Variants in OTUD7A observed in about 807,000 individuals in gnomAD.
OTUD7A encodes OTU domain-containing protein 7A.
OTUD7A carries 12 observed loss-of-function variants against 65.7 expected under a neutral mutation model. That is an observed-to-expected ratio of 0.18 (90% confidence interval 0.12 to 0.30). The LOEUF (loss-of-function observed/expected upper bound fraction) is 0.30. Among genes scored for constraint, OTUD7A ranks in the 10% least tolerant of loss-of-function variants. The probability of loss-of-function intolerance (pLI) is 1.00; values close to 1 mark genes in which losing one functional copy is unlikely to be tolerated. For missense variants in OTUD7A, 1,148 were observed against 1,304.8 expected, an observed-to-expected ratio of 0.88 and a Z score of 1.85; for synonymous variants, 641 against 586.3, an observed-to-expected ratio of 1.09 and a Z score of -1.35.
Position 31,484,337 on chromosome 15 carries a change from T to G in OTUD7A, c.1759A>C (p.Ser587Arg). The G allele has an allele frequency of 1.9e-6, 3 of 1,600,368 alleles. No homozygotes were observed. Among genetic ancestry groups the G allele is most frequent in the Non-Finnish European group, 2.5e-6 (3 of 1,179,224 alleles). The change falls in exon 13 of 13, where the codon AGC (serine) becomes CGC (arginine). Residue 587 changes from serine (S) to arginine (R), a missense_variant. Physicochemically the swap from Ser to Arg is moderately radical, Grantham distance 110 (BLOSUM62 -1). Transcript: ENST00000307050. This position sits in a 1 kb window ranked among gnomAD's most constrained non-coding sequence, Gnocchi z 4.5. The stretch of plus-strand genomic sequence containing the variant: ...GTGGTCTTTTCCGACGGCGACGTGC[T>G]GGCCGACGCACCAGACTCCTCCTTG... ...GSKEESGASA[S>R]TSPSEKTTPS... is the part of the protein sequence containing the mutation.
intron 10 of OTUD7A, among the ~76,000 whole-genome samples, chr15:31,494,703 T>A (rs1161800603): frequency 6.6e-6 from 1 of 152,152 alleles, no homozygotes; most frequent in Non-Finnish European, 1.5e-5. Flanking sequence ...TGTGGGACAA[T>A]GACAACTGGG....
intron 8 of OTUD7A, among the ~76,000 whole-genome samples, chr15:31,507,636 G>C (rs1471518185): frequency 1.3e-5 from 2 of 150,266 alleles, no homozygotes; most frequent in East Asian, 1.9e-4. Flanking sequence ...CTGCTGGCTG[G>C]GGGGCGGGGG....
chr15:31,778,977 T>C (rs1452998264), intron 1 of OTUD7A, among the ~76,000 whole-genome samples: 1 of 152,218 alleles, frequency 6.6e-6, no homozygotes, highest in African/African-American at 2.4e-5. Context: ...AAATGGAAGC[T>C]TGGGGAAACA....
intron 1 of OTUD7A, among the ~76,000 whole-genome samples, chr15:31,779,981 C>A (rs1354279988): frequency 1.3e-5 from 2 of 152,104 alleles, no homozygotes; most frequent in African/African-American, 4.8e-5. Flanking sequence ...CTTCACAACC[C>A]AGTCCAGGAC....
At chr15:31,629,933 G>A (rs1891088563) in intron 3 of OTUD7A, among the ~76,000 whole-genome samples, 2 of 152,098 alleles carry the variant, frequency 1.3e-5, no homozygotes, top group African/African-American at 2.4e-5. Context: ...GGGATCAGTG[G>A]TGATATCCCC....
At position 31,484,777 on chromosome 15, in the gene OTUD7A, G is replaced by A; in HGVS notation, c.1372-53C>T. ...AGGTGGTTAGAGAAGAGCTGTCCACGCGCCAGCGAGGAAGACACACCTTGC... is the reference window on the plus strand; with the variant it reads ...AGGTGGTTAGAGAAGAGCTGTCCACACGCCAGCGAGGAAGACACACCTTGC... On this transcript the variant is annotated intron_variant, in intron 12 of 12. Transcript: ENST00000307050. This position sits in a 1 kb window ranked among gnomAD's most constrained non-coding sequence, Gnocchi z 4.5. 5 of 1,557,882 alleles carry A rather than the reference G, an allele frequency of 3.2e-6. No individual in the cohort carries two copies. Among genetic ancestry groups the A allele is most frequent in the African/African-American group, 1.3e-5 (1 of 74,442 alleles).
At chr15:31,665,906 G>A (rs1321951781) in intron 1 of OTUD7A, among the ~76,000 whole-genome samples, 1 of 152,092 alleles carries the variant, frequency 6.6e-6, no homozygotes, top group Non-Finnish European at 1.5e-5. Flanking sequence ...TGCATCTATC[G>A]AGACGATCAC....
chr15:31,575,881 A>G (rs1889189462), intron 3 of OTUD7A, among the ~76,000 whole-genome samples: 1 of 152,234 alleles, frequency 6.6e-6, no homozygotes, highest in Non-Finnish European at 1.5e-5. Flanking sequence ...GGGATGTGAA[A>G]TGAACACACA....
chr15:31,579,435 C>T (rs1889303552), intron 3 of OTUD7A, among the ~76,000 whole-genome samples: 1 of 152,090 alleles, frequency 6.6e-6, no homozygotes, highest in African/African-American at 2.4e-5. Flanking sequence ...CACTGTGATG[C>T]CAGAATAGCT....
chr15:31,859,489 A>G (rs777186554), intron 1 of OTUD7A, among the ~76,000 whole-genome samples: 15 of 152,234 alleles, frequency 9.9e-5, no homozygotes, highest in Non-Finnish European at 1.8e-4. Context: ...CATTTGATCA[A>G]ATAGTAAAGG....
chr15:31,512,349 A>AC (rs2041768344), intron 8 of OTUD7A, among the ~76,000 whole-genome samples: 1 of 151,872 alleles, frequency 6.6e-6, no homozygotes, highest in Admixed American at 6.6e-5. Context: ...ACTGGAGACC[A>AC]CCCCCGGCAG....
At chr15:31,676,224 T>C (rs1164548740) in intron 1 of OTUD7A, among the ~76,000 whole-genome samples, 1 of 152,186 alleles carries the variant, frequency 6.6e-6, no homozygotes, top group Non-Finnish European at 1.5e-5. Flanking sequence ...ATTTGGTAGA[T>C]GATAATGGCA....
At chr15:31,510,378 C>CA (rs1415827069) in intron 8 of OTUD7A, among the ~76,000 whole-genome samples, 1 of 146,726 alleles carries the variant, frequency 6.8e-6, no homozygotes, top group Non-Finnish European at 1.5e-5. Flanking sequence ...GGTGTTTTTG[C>CA]TTTTTTTTTT....
At chr15:31,710,555 C>A (rs547210322) in intron 1 of OTUD7A, among the ~76,000 whole-genome samples, 78 of 152,036 alleles carry the variant, frequency 5.1e-4, no homozygotes, top group Non-Finnish European at 1.1e-3. Flanking sequence ...GCAGGGGGCA[C>A]CAGAGGGAGA....
chr15:31,553,217 CCT>C (rs1450940389), intron 5 of OTUD7A, among the ~76,000 whole-genome samples: 1 of 152,148 alleles, frequency 6.6e-6, no homozygotes, highest in East Asian at 1.9e-4. Flanking sequence ...GCTGGTTCGC[CCT>C]GATTCCCAGG....
chr15:31,530,175 A>G (rs2042067066), intron 6 of OTUD7A, among the ~76,000 whole-genome samples: 1 of 152,160 alleles, frequency 6.6e-6, no homozygotes, highest in Admixed American at 6.5e-5. Context: ...GTCTGTTTCC[A>G]TTAGTCCATG....
chr15:31,555,423 TA>T (rs1250746959), intron 5 of OTUD7A, among the ~76,000 whole-genome samples: 4 of 152,234 alleles, frequency 2.6e-5, no homozygotes, highest in African/African-American at 7.2e-5. Flanking sequence ...ATAAAGATTC[TA>T]AGCACTAAGC....
At position 31,595,584 on chromosome 15, in the gene OTUD7A, A is replaced by G. The variant is rs541822054; in HGVS notation, c.152-25387T>C. Among the ~76,000 whole-genome samples the G allele has an allele frequency of 9.2e-5, 14 of 152,320 alleles. No homozygotes were observed. The South Asian group carries it at 2.9e-3, about 32-fold the overall frequency. ...GCCCCTCCCAGCCAATCCCTCTGGC[A>G]TCATTTCCTACAAAGTATCACACAC... On this transcript the variant is annotated intron_variant, in intron 3 of 12. Transcript: ENST00000307050.
chr15:31,850,554 T>TACA (rs1555424267), intron 1 of OTUD7A, among the ~76,000 whole-genome samples: 3 of 150,358 alleles, frequency 2.0e-5, no homozygotes, highest in Non-Finnish European at 4.4e-5. Context: ...AAACTTAAAG[T>TACA]ATAATAATAA....
Sources: gnomAD v4.1 joint callset for allele counts (sites outside exome capture counted in the v4.1 genomes callset) on GRCh38, gnomAD v4.1.1 for gene constraint, Gnocchi (gnomAD v3.1) non-coding constraint, MANE v1.5 for transcripts, NCBI Gene and HGNC (gene_info 2026-07-23, HGNC 2026-07-21) for gene names.